POLR3B: variants seen among roughly 807,000 people sequenced by gnomAD.
POLR3B encodes the protein DNA-directed RNA polymerase III subunit RPC2.
Under a neutral mutation model 147.4 loss-of-function variants are expected in POLR3B, and 96 were observed. That is an observed-to-expected ratio of 0.65 (90% CI 0.55 to 0.77). POLR3B has a LOEUF of 0.77. Ranked by LOEUF, POLR3B falls within the 30% of genes least tolerant of loss-of-function variation. The pLI is 0.00. For missense variants in POLR3B, 1,036 were observed against 1,413.5 expected (o/e 0.73, Z 4.28); for synonymous variants, 461 against 485.9 (o/e 0.95, Z 0.67).
chr12:106,461,976 C>T (rs2037943792), intron 22 of POLR3B, among the ~76,000 whole-genome samples: 1 of 152,182 alleles, frequency 6.6e-6, no homozygotes, highest in South Asian at 2.1e-4. Flanking sequence ...TTACAGTGGT[C>T]CCAAACAGGC....
chr12:106,439,520 C>G (rs1302287301), intron 18 of POLR3B, among the ~76,000 whole-genome samples: 26 of 151,784 alleles, frequency 1.7e-4, no homozygotes. Flanking sequence ...TGATGTACGC[C>G]TGTAGTCCCA....
intron 9 of POLR3B, among the ~76,000 whole-genome samples, chr12:106,382,598 T>G (rs2036778961): frequency 6.6e-6 from 1 of 152,198 alleles, no homozygotes; most frequent in South Asian, 2.1e-4. Context: ...TCAGAACTCT[T>G]GGTGACTCAG....
intron 6 of POLR3B, among the ~76,000 whole-genome samples, chr12:106,371,696 A>G (rs921156721): frequency 1.4e-5 from 2 of 143,848 alleles, no homozygotes; most frequent in African/African-American, 4.9e-5. Context: ...AGAACAAAAA[A>G]CCAAACACCG....
At chr12:106,385,816 G>A (rs1223362501) in intron 9 of POLR3B, among the ~76,000 whole-genome samples, 1 of 152,196 alleles carries the variant, frequency 6.6e-6, no homozygotes. Context: ...AGCCTAATGT[G>A]CTTTTGAGTT....
chr12:106,423,664 A>G (rs901069339), intron 12 of POLR3B, among the ~76,000 whole-genome samples: 2 of 152,134 alleles, frequency 1.3e-5, no homozygotes, highest in African/African-American at 4.8e-5. Context: ...CTGAGTCCTC[A>G]AAAGATTGGA....
chr12:106,450,724 A>C (rs1436479557), intron 19 of POLR3B, among the ~76,000 whole-genome samples: 1 of 152,154 alleles, frequency 6.6e-6, no homozygotes, highest in African/African-American at 2.4e-5. Context: ...GAGCAACCAG[A>C]ATGCTCATAT....
intron 4 of POLR3B, among the ~76,000 whole-genome samples, chr12:106,367,642 T>G (rs1382417793): frequency 6.6e-6 from 1 of 152,172 alleles, no homozygotes; most frequent in Admixed American, 6.6e-5. Context: ...AGAAGCAATG[T>G]TTTATGCTGT....
chr12:106,362,086 A>G (rs1202335406), intron 1 of POLR3B, among the ~76,000 whole-genome samples: 1 of 152,194 alleles, frequency 6.6e-6, no homozygotes, highest in African/African-American at 2.4e-5. Context: ...GAAAGTAGTC[A>G]GAGGAGCTGC....
chr12:106,363,227 A>G (rs981349626), intron 1 of POLR3B, among the ~76,000 whole-genome samples: 1 of 152,138 alleles, frequency 6.6e-6, no homozygotes, highest in Non-Finnish European at 1.5e-5. Context: ...AGGCCACTCC[A>G]TTCCCGAATT....
intron 10 of POLR3B, among the ~76,000 whole-genome samples, chr12:106,403,374 A>G (rs1433939560): frequency 6.7e-6 from 1 of 150,340 alleles, no homozygotes; most frequent in Non-Finnish European, 1.5e-5. Flanking sequence ...ACTGTAAACT[A>G]GTTCAACCAT....
rs1290193092 is a variant in POLR3B, at chr12:106,475,484, T to C, written c.2713+11864T>C. 3.0e-4 allele frequency among the ~76,000 whole-genome samples: 32 copies of C among 105,836 alleles called. 5 individuals carry two copies. The highest frequency in any genetic ancestry group is 8.4e-3 in the Middle Eastern group (2 of 238). The allele number at this position is 105,836 out of a possible 152,430, so 69.4% of individuals were successfully genotyped here. A position where few individuals can be genotyped will look rare whatever the true frequency, so the allele number is the denominator to read the frequency against. On this transcript the variant is annotated intron_variant, in intron 23 of 27. Transcript: ENST00000228347. ...AGTGGGGTGTTAAATTCTCCCATTA[T>C]TAATGTGTGGGAGTCTAAGTCTCTT...
At chr12:106,436,456 A>C (rs2037577937) in intron 16 of POLR3B, among the ~76,000 whole-genome samples, 1 of 152,198 alleles carries the variant, frequency 6.6e-6, no homozygotes, top group Admixed American at 6.5e-5. Context: ...ATTCTCTGCC[A>C]ACTTTTAGCC....
intron 23 of POLR3B, among the ~76,000 whole-genome samples, chr12:106,478,348 A>G (rs1460340858): frequency 7.9e-5 from 12 of 152,230 alleles, no homozygotes; most frequent in Admixed American, 7.2e-4. Context: ...ATGTTCATTA[A>G]CAGGCATGGT....
In POLR3B at chr12:106,406,454, T is replaced by C. The variant is rs183902106; in HGVS notation, c.966+478T>C. Among the ~76,000 whole-genome samples the C allele has an allele frequency of 2.9e-3, 443 of 152,380 alleles. 1 individual carries two copies. Among genetic ancestry groups the C allele is most frequent in the African/African-American group, 9.1e-3 (379 of 41,596 alleles). On this transcript the variant is annotated intron_variant, in intron 11 of 27. Transcript: ENST00000228347. ...GTAACATAAAGTTTACTGTTTTAAG[T>C]GTACAATTTTCTGGACTTAAGTACA...
chr12:106,397,480 A>G (rs1220748173), intron 10 of POLR3B, among the ~76,000 whole-genome samples: 2 of 152,124 alleles, frequency 1.3e-5, no homozygotes, highest in African/African-American at 4.8e-5. Context: ...TAGTTTTGCC[A>G]ATTACAGAAC....
At chr12:106,385,069 C>T (rs1026803025) in intron 9 of POLR3B, among the ~76,000 whole-genome samples, 2 of 152,100 alleles carry the variant, frequency 1.3e-5, no homozygotes, top group African/African-American at 4.8e-5. Context: ...TGTGATCCTC[C>T]CGCCTTGGCC....
chr12:106,401,357 A>G (rs1681115390), intron 10 of POLR3B, among the ~76,000 whole-genome samples: 1 of 152,226 alleles, frequency 6.6e-6, no homozygotes, highest in South Asian at 2.1e-4. Flanking sequence ...AAAAAAGTCC[A>G]GGACCAGATG....
chr12:106,410,889 C>T lies in POLR3B; in HGVS notation c.1030C>T (p.Leu344=). The T allele has an allele frequency of 6.2e-7, 1 of 1,613,580 alleles. No individual in the cohort carries two copies. Among genetic ancestry groups the T allele is most frequent in the Non-Finnish European group, 8.5e-7 (1 of 1,179,560 alleles). ...TGCAGTGATGGTGCGAAGAGTTATT[C>T]TGGCCCAAGGAGATAATAAAGTTGA... ...YTAVMVRRVI[L]AQGDNKVDDR... The change falls in exon 12 of 28, where the codon CTG becomes TTG. Residue 344 remains leucine, a synonymous_variant. Transcript: ENST00000228347.
At chr12:106,400,098 G>A (rs540128455) in intron 10 of POLR3B, among the ~76,000 whole-genome samples, 21 of 152,306 alleles carry the variant, frequency 1.4e-4, no homozygotes, top group African/African-American at 4.3e-4. Context: ...CATCTAAGGT[G>A]CAGAGACACA....
Sources: allele counts gnomAD v4.1 joint callset (sites outside exome capture counted in the v4.1 genomes callset), GRCh38; gene constraint gnomAD v4.1.1; transcripts MANE v1.5; gene names NCBI Gene and HGNC (gene_info 2026-07-23, HGNC 2026-07-21).